The following THSD7B variants were observed in gnomAD, a reference collection of about 807,000 sequenced individuals.
THSD7B encodes thrombospondin type-1 domain-containing protein 7B.
A neutral mutation model predicts 213.6 loss-of-function variants in THSD7B; 138 were observed. The observed-to-expected ratio is 0.65, with a 90% CI of 0.56 to 0.74. THSD7B has a LOEUF of 0.74. Ranked by LOEUF, THSD7B falls within the 30% of genes least tolerant of loss-of-function variation. The pLI is 0.00. For synonymous variants in THSD7B, 742 were observed against 687.0 expected, an observed-to-expected ratio of 1.08 and a Z score of -1.25; for missense variants, 1,931 against 1,991.5, an observed-to-expected ratio of 0.97 and a Z score of 0.58.
chr2:137,001,176 C>T (rs1018282364), intron 2 of THSD7B, among the ~76,000 whole-genome samples: 1 of 152,022 alleles, frequency 6.6e-6, no homozygotes, highest in African/African-American at 2.4e-5. Flanking sequence ...CTGTGTGAGA[C>T]GATAATGATA....
intron 2 of THSD7B, among the ~76,000 whole-genome samples, chr2:136,898,035 T>A (rs1683993761): frequency 6.6e-6 from 1 of 152,200 alleles, no homozygotes; most frequent in Non-Finnish European, 1.5e-5. Context: ...GAGTGCTGAT[T>A]GGTGCGTTTA....
At chr2:137,242,679 T>G in intron 10 of THSD7B, 107 bp downstream of exon 10, 1 of 741,206 alleles carries the variant, frequency 1.3e-6, no homozygotes. Context: ...TTTTTTTCAT[T>G]TGCCTATCAC....
chr2:137,321,873 ACTTCTGTGC>A lies in THSD7B; in HGVS notation c.2500+45851_2500+45859del, dbSNP rs528904227. ...TAAGCACATCTGTTCATAATAATTA[ACTTCTGTGC>A]CTTGTGAGCAGGAAAGCAGCATCAG... On this transcript the variant is annotated intron_variant, in intron 12 of 27. Transcript: ENST00000409968. Among the ~76,000 whole-genome samples the A allele has an allele frequency of 1.4e-3, 219 of 152,252 alleles. 1 individual carries two copies. The highest frequency in any genetic ancestry group is 2.2e-3 in the Non-Finnish European group (151 of 68,012).
At chr2:137,200,871 GTTGCCCAGACTGGTCTC>G in intron 7 of THSD7B, among the ~76,000 whole-genome samples, 1 of 29,354 alleles carries the variant, frequency 3.4e-5, no homozygotes, top group Non-Finnish European at 8.8e-5. Context: ...GGACTCCTAT[GTTGCCCAGACTGGTCTC>G]CAACTCCTGG....
chr2:137,447,643 T>C (rs961891766), intron 14 of THSD7B, among the ~76,000 whole-genome samples: 3 of 150,408 alleles, frequency 2.0e-5, no homozygotes, highest in African/African-American at 7.3e-5. Flanking sequence ...TATTGGAGCA[T>C]TTTTTTTTCA....
intron 15 of THSD7B, 136 bp downstream of exon 15, chr2:137,451,159 G>A (rs1326410419): frequency 7.9e-6 from 7 of 889,228 alleles, no homozygotes; most frequent in South Asian, 5.9e-5. Context: ...GATTAAGAGG[G>A]CCAAAATTAA....
rs1334389048 is a variant in THSD7B at position 137,322,011 on chromosome 2, T to C, written c.2500+45985T>C. 2.6e-5 allele frequency among the ~76,000 whole-genome samples: 4 copies of C among 152,234 alleles called. No homozygotes were observed. The South Asian group carries it at 8.3e-4, about 31-fold the overall frequency. ...TTAGGCACTCCAAGACTCTGCATTGTGGCTGCCTTTGCACTGCCATTACTT... is the reference window on the plus strand; with the variant it reads ...TTAGGCACTCCAAGACTCTGCATTGCGGCTGCCTTTGCACTGCCATTACTT... On this transcript the variant is annotated intron_variant, in intron 12 of 27. Transcript: ENST00000409968.
chr2:136,938,610 G>A (rs1684770456), intron 2 of THSD7B, among the ~76,000 whole-genome samples: 1 of 152,036 alleles, frequency 6.6e-6, no homozygotes, highest in Non-Finnish European at 1.5e-5. Flanking sequence ...TTAGTTTGGA[G>A]CCAATGATAA....
chr2:136,974,410 T>C (rs541621203), intron 2 of THSD7B, among the ~76,000 whole-genome samples: 112 of 152,178 alleles, frequency 7.4e-4, no homozygotes, highest in Admixed American at 2.0e-3. Context: ...CCATGTGTTC[T>C]CATTGTTCAG....
At chr2:136,984,134 G>T (rs1685631955) in intron 2 of THSD7B, among the ~76,000 whole-genome samples, 1 of 152,198 alleles carries the variant, frequency 6.6e-6, no homozygotes, top group African/African-American at 2.4e-5. Flanking sequence ...TCAACCCAAG[G>T]TCATACCTAT....
At chr2:137,189,841 G>A (rs1290132129) in intron 7 of THSD7B, among the ~76,000 whole-genome samples, 3 of 151,972 alleles carry the variant, frequency 2.0e-5, no homozygotes, top group African/African-American at 7.2e-5. Flanking sequence ...ATTCAACTCT[G>A]TATTCTAAGT....
chr2:137,265,472 C>G (rs551314351), intron 10 of THSD7B, among the ~76,000 whole-genome samples: 2 of 152,188 alleles, frequency 1.3e-5, no homozygotes, highest in East Asian at 1.9e-4. Flanking sequence ...GGGTATGTAC[C>G]CAAAGGACTA....
chr2:137,075,207 T>G (rs1313161435), intron 3 of THSD7B, among the ~76,000 whole-genome samples: 1 of 152,236 alleles, frequency 6.6e-6, no homozygotes, highest in Non-Finnish European at 1.5e-5. Context: ...ATTCTCCCCA[T>G]CACTTTCAGG....
intron 5 of THSD7B, among the ~76,000 whole-genome samples, chr2:137,151,968 C>T (rs1421059650): frequency 2.6e-5 from 4 of 151,152 alleles, no homozygotes; most frequent in Non-Finnish European, 5.9e-5. Context: ...ACCTTTGCAC[C>T]CGGTTGCCAC....
chr2:137,201,150 T>C lies in THSD7B; in HGVS notation c.1724-29894T>C, dbSNP rs374693449. ...AATAGCATTCCATTGTTTGACTATATTGATTGATTGATTGATTCCATTTTG... is the reference window on the plus strand; with the variant it reads ...AATAGCATTCCATTGTTTGACTATACTGATTGATTGATTGATTCCATTTTG... On this transcript the variant is annotated intron_variant, in intron 7 of 27. Transcript: ENST00000409968. 4.6e-5 allele frequency among the ~76,000 whole-genome samples: 7 copies of C among 152,308 alleles called. No individual in the cohort carries two copies. In the East Asian group the frequency reaches 1.2e-3, roughly 25 times the overall value.
chr2:137,294,184 A>T (rs72975641), intron 12 of THSD7B, among the ~76,000 whole-genome samples: 7,739 of 152,142 alleles, frequency 0.051, 472 homozygotes, highest in African/African-American at 0.14. Flanking sequence ...TGAGCAGCAA[A>T]TGTGTTTCAT....
chr2:137,094,768 G>A (rs1040630474), intron 3 of THSD7B, 105 bp from the exon 4 acceptor site: 71 of 1,402,854 alleles, frequency 5.1e-5, no homozygotes, highest in African/African-American at 7.2e-5. Flanking sequence ...CCTATTAAAC[G>A]CTTAAATCAA....
intron 2 of THSD7B, among the ~76,000 whole-genome samples, chr2:137,043,594 G>A (rs1450169179): frequency 1.3e-5 from 2 of 152,082 alleles, no homozygotes; most frequent in Admixed American, 6.5e-5. Context: ...ATTTTTTGAG[G>A]CAGGAGGTGT....
At chr2:136,916,540 A>G (rs1441903366) in intron 2 of THSD7B, among the ~76,000 whole-genome samples, 1 of 152,234 alleles carries the variant, frequency 6.6e-6, no homozygotes, top group Non-Finnish European at 1.5e-5. Context: ...TGTGAGCAGT[A>G]GAACTCAGTT....
Sources: gnomAD v4.1 joint callset for allele counts (sites outside exome capture counted in the v4.1 genomes callset) on GRCh38, gnomAD v4.1.1 for gene constraint, MANE v1.5 for transcripts, NCBI Gene and HGNC (gene_info 2026-07-23, HGNC 2026-07-21) for gene names.